SLC44A5: variants seen among roughly 807,000 people sequenced by gnomAD.
SLC44A5 encodes solute carrier family 44 member 5.
Under a neutral mutation model 101.8 loss-of-function variants are expected in SLC44A5, and 57 were observed. The observed-to-expected ratio is 0.56, with a 90% confidence interval of 0.45 to 0.70. The LOEUF (loss-of-function observed/expected upper bound fraction) is 0.70, where lower values mean the gene tolerates loss of function less well. SLC44A5 is among the 30% of genes least tolerant of loss of function. The pLI, the probability that SLC44A5 is intolerant of heterozygous loss-of-function variation, is 0.00. For missense variants in SLC44A5, 737 were observed against 853.1 expected (o/e 0.86, Z 1.70); for synonymous variants, 281 against 290.9 (o/e 0.97, Z 0.35).
the SLC44A5 span, among the ~76,000 whole-genome samples, chr1:75,721,465 G>A: frequency 6.6e-6 from 1 of 152,134 alleles, no homozygotes; most frequent in Non-Finnish European, 1.5e-5. Context: ...TTTATGTATA[G>A]CCCAAGACAA....
At chr1:75,549,394 AT>A (rs1671818259) in intron 1 of SLC44A5, among the ~76,000 whole-genome samples, 1 of 152,128 alleles carries the variant, frequency 6.6e-6, no homozygotes, top group African/African-American at 2.4e-5. Flanking sequence ...ATCTTCAAAT[AT>A]TCATGAAACT....
At chr1:75,665,952 A>C in the SLC44A5 span, among the ~76,000 whole-genome samples, 1 of 152,156 alleles carries the variant, frequency 6.6e-6, no homozygotes, top group African/African-American at 2.4e-5. Flanking sequence ...GGCTACTATT[A>C]AAATGTCAAA....
At chr1:75,615,436 TACACAC>T (rs56337760), upstream of SLC44A5, among the ~76,000 whole-genome samples, 2,862 of 133,570 alleles carry the variant, frequency 0.021, 83 homozygotes, top group African/African-American at 0.072. Flanking sequence ...CACACATACA[TACACAC>T]ACACACACAC....
chr1:75,561,986 A>G (rs1044453631), intron 1 of SLC44A5, among the ~76,000 whole-genome samples: 1 of 152,124 alleles, frequency 6.6e-6, no homozygotes, highest in African/African-American at 2.4e-5. Flanking sequence ...AGAAGAAAAG[A>G]TAACTATTGG....
At chr1:75,643,645 T>G in the SLC44A5 span, among the ~76,000 whole-genome samples, 1 of 152,160 alleles carries the variant, frequency 6.6e-6, no homozygotes. Context: ...CCCATGCTGT[T>G]CTCAGGATAG....
intron 4 of SLC44A5, among the ~76,000 whole-genome samples, chr1:75,324,466 TATATC>T (rs1656421108): frequency 6.6e-6 from 1 of 152,218 alleles, no homozygotes; most frequent in East Asian, 1.9e-4. Flanking sequence ...ACTATGGTCT[TATATC>T]ATAGCAACAA....
At chr1:75,347,822 T>G (rs1241889344) in intron 3 of SLC44A5, among the ~76,000 whole-genome samples, 1 of 152,128 alleles carries the variant, frequency 6.6e-6, no homozygotes, top group Non-Finnish European at 1.5e-5. Flanking sequence ...TTTATATACT[T>G]GTAAATTCTG....
Position 75,220,663 on chromosome 1 carries a change from G to T in SLC44A5, c.1086-771C>A, listed in dbSNP as rs559627783. 3.9e-5 allele frequency among the ~76,000 whole-genome samples: 6 copies of T among 152,098 alleles called. No individual in the cohort carries two copies. In the South Asian group the frequency reaches 1.2e-3, roughly 32 times the overall value. ...ATGGCTTGTGAAATGTTCACTAACT[G>T]ACTGCATCACTTCTAATGACTTCTG... On this transcript the variant is annotated intron_variant, in intron 14 of 23. Coordinates refer to ENST00000370859, the MANE Select transcript of SLC44A5 (RefSeq NM_001130058.2).
chr1:75,478,508 T>C (rs1245552666), intron 2 of SLC44A5, among the ~76,000 whole-genome samples: 1 of 151,896 alleles, frequency 6.6e-6, no homozygotes. Context: ...AGGAAACCCA[T>C]CTCACATGCA....
At chr1:75,432,303 G>A (rs1206250897) in intron 2 of SLC44A5, among the ~76,000 whole-genome samples, 1 of 152,058 alleles carries the variant, frequency 6.6e-6, no homozygotes, top group African/African-American at 2.4e-5. Context: ...ATCCCACTAT[G>A]AGGCTGTTTC....
intron 1 of SLC44A5, among the ~76,000 whole-genome samples, chr1:75,589,003 C>T (rs1465148056): frequency 1.3e-5 from 2 of 152,178 alleles, no homozygotes; most frequent in African/African-American, 4.8e-5. Flanking sequence ...AGGCTTAAGG[C>T]ATGAGTAAGC....
At chr1:75,540,941 C>A (rs1671322129) in intron 2 of SLC44A5, among the ~76,000 whole-genome samples, 1 of 152,148 alleles carries the variant, frequency 6.6e-6, no homozygotes, top group Non-Finnish European at 1.5e-5. Context: ...GCCTCACACT[C>A]CCTCTCCAAA....
chr1:75,330,106 T>TATATAC (rs1171615879), intron 4 of SLC44A5, among the ~76,000 whole-genome samples: 14 of 128,580 alleles, frequency 1.1e-4, no homozygotes, highest in African/African-American at 3.2e-4. Flanking sequence ...TATATATATA[T>TATATAC]ACACACACAC....
At chr1:75,428,392 A>G (rs1570249107) in intron 2 of SLC44A5, among the ~76,000 whole-genome samples, 3 of 152,340 alleles carry the variant, frequency 2.0e-5, no homozygotes, top group Admixed American at 2.0e-4. Context: ...TTGTCCATCA[A>G]TTATCCTTGT....
Position 75,551,361 on chromosome 1 carries a change from A to C in SLC44A5, c.-69-9845T>G, listed in dbSNP as rs150946497. Among the ~76,000 whole-genome samples the C allele has an allele frequency of 2.3e-3, 346 of 152,272 alleles. 2 individuals are homozygous for C. The highest frequency in any genetic ancestry group is 7.7e-3 in the African/African-American group (318 of 41,558). ...TGGTGGAGAAGGCACACTGAGCTCC[A>C]ATAACCGTATGACAATTTTACTTTT... On this transcript the variant is annotated intron_variant, in intron 1 of 23. Coordinates refer to ENST00000370859, the MANE Select transcript of SLC44A5 (RefSeq NM_001130058.2).
chr1:75,629,728 T>TA, the SLC44A5 span, among the ~76,000 whole-genome samples: 1 of 152,070 alleles, frequency 6.6e-6, no homozygotes, highest in South Asian at 2.1e-4. Context: ...AGGATACAAA[T>TA]ACAGATGAAA....
chr1:75,704,466 A>C, the SLC44A5 span, among the ~76,000 whole-genome samples: 2 of 152,168 alleles, frequency 1.3e-5, no homozygotes, highest in Non-Finnish European at 2.9e-5. Context: ...TCAAACAGAC[A>C]AAGATTCTTA....
intron 3 of SLC44A5, 109 bp downstream of exon 3, chr1:75,396,474 T>C (rs1662128338): frequency 2.8e-5 from 26 of 944,996 alleles, no homozygotes; most frequent in Non-Finnish European, 4.2e-5. Flanking sequence ...AATTATTCTT[T>C]ACCAAACAAA....
At position 75,272,409 on chromosome 1, in the gene SLC44A5, T is replaced by G. The variant is rs146492759; in HGVS notation, c.260+2549A>C. ...TCATGACCAGTTTGCTTTTATTTTTTTTTTATTTTTGTTTTTGTTGCTTTG... is the reference window on the plus strand; with the variant it reads ...TCATGACCAGTTTGCTTTTATTTTTGTTTTATTTTTGTTTTTGTTGCTTTG... On this transcript the variant is annotated intron_variant, in intron 6 of 23. Coordinates refer to ENST00000370859, the MANE Select transcript of SLC44A5 (RefSeq NM_001130058.2). Among the ~76,000 whole-genome samples, 1,236 of 152,058 alleles carry G rather than the reference T, an allele frequency of 8.1e-3. 14 individuals are homozygous for G. Among genetic ancestry groups the G allele is most frequent in the Non-Finnish European group, 0.014 (981 of 67,942 alleles).
Sources: allele counts gnomAD v4.1 joint callset (sites outside exome capture counted in the v4.1 genomes callset), GRCh38; gene constraint gnomAD v4.1.1; transcripts MANE v1.5; gene names NCBI Gene and HGNC (gene_info 2026-07-23, HGNC 2026-07-21).